Variants in PARD3B observed in about 807,000 individuals in gnomAD.
PARD3B encodes the protein par-3 family cell polarity regulator beta.
Under a neutral mutation model 130.2 loss-of-function variants are expected in PARD3B, and 103 were observed. That is an observed-to-expected ratio of 0.79 (90% CI 0.67 to 0.93). PARD3B has a LOEUF of 0.93. PARD3B is among the 40% of genes least tolerant of loss of function. The probability of loss-of-function intolerance (pLI) is 0.00; values close to 1 mark genes in which losing one functional copy is unlikely to be tolerated. For synonymous variants in PARD3B, 583 were observed against 553.2 expected (o/e 1.05, Z -0.76); for missense variants, 1,609 against 1,499.2 (o/e 1.07, Z -1.21).
intron 1 of PARD3B, among the ~76,000 whole-genome samples, chr2:204,665,110 G>GT (rs529224250): frequency 0.014 from 1,900 of 139,626 alleles, 18 homozygotes; most frequent in African/African-American, 0.025. Flanking sequence ...TCTTGTTTTT[G>GT]TTTTTTTTTT....
chr2:205,347,682 C>G (rs2043844391), intron 18 of PARD3B: 1 of 152,164 alleles, frequency 6.6e-6, no homozygotes, highest in Non-Finnish European at 1.5e-5. Context: ...ATCTGAGAAA[C>G]AAACTGCAAG....
At chr2:204,785,685 G>A (rs986786815) in intron 2 of PARD3B, among the ~76,000 whole-genome samples, 2 of 152,192 alleles carry the variant, frequency 1.3e-5, no homozygotes, top group African/African-American at 4.8e-5. Context: ...TGGGCCCAGT[G>A]CCCGACATGC....
At chr2:204,805,783 C>T (rs948693652) in intron 2 of PARD3B, among the ~76,000 whole-genome samples, 1 of 152,030 alleles carries the variant, frequency 6.6e-6, no homozygotes, top group Non-Finnish European at 1.5e-5. Context: ...CAAAGTGATA[C>T]ATTATACTAG....
intron 2 of PARD3B, among the ~76,000 whole-genome samples, chr2:204,958,535 T>C (rs1309544039): frequency 6.6e-6 from 1 of 152,180 alleles, no homozygotes; most frequent in Non-Finnish European, 1.5e-5. Flanking sequence ...TGGTACTTTT[T>C]GTGTTCCTCT....
rs1169203473 is a variant in PARD3B at position 205,276,190 on chromosome 2, C to G, written c.2186-24340C>G. ...TACAGGAAGACATATTTGAAAGAAA[C>G]AGGGGAAGTAGAAATGTGGATGGGA... On this transcript the variant is annotated intron_variant, in intron 16 of 22. Transcript: ENST00000406610. The surrounding 1 kb of genome is among the most constrained non-coding windows in gnomAD (Gnocchi z 5.0). Among the ~76,000 whole-genome samples, 3 of 152,170 alleles carry G rather than the reference C, an allele frequency of 2.0e-5. No homozygotes were observed. The highest frequency in any genetic ancestry group is 2.9e-5 in the Non-Finnish European group (2 of 68,026).
intron 15 of PARD3B, among the ~76,000 whole-genome samples, chr2:205,208,388 G>A (rs2037435849): frequency 7.4e-6 from 1 of 135,172 alleles, no homozygotes; most frequent in East Asian, 2.0e-4. Flanking sequence ...GCAGGAGAAG[G>A]AAATAAAGGG....
intron 19 of PARD3B, among the ~76,000 whole-genome samples, chr2:205,404,121 C>CT (rs915777313): frequency 7.2e-5 from 11 of 152,148 alleles, no homozygotes; most frequent in East Asian, 1.9e-4. Flanking sequence ...ATTTTATAAT[C>CT]TTTTTTTTAT....
chr2:205,285,910 G>T (rs2041378298), intron 16 of PARD3B, among the ~76,000 whole-genome samples: 1 of 152,152 alleles, frequency 6.6e-6, no homozygotes, highest in Non-Finnish European at 1.5e-5. Flanking sequence ...TGCAGATGTG[G>T]AGGAAAAGAT....
chr2:205,267,965 G>T (rs2040575564), intron 16 of PARD3B, among the ~76,000 whole-genome samples: 1 of 152,048 alleles, frequency 6.6e-6, no homozygotes, highest in Non-Finnish European at 1.5e-5. Flanking sequence ...AATAAAAGAG[G>T]CTGCCACCAT....
At chr2:205,103,389 TAAA>T (rs1158678766) in intron 4 of PARD3B, among the ~76,000 whole-genome samples, 14 of 147,660 alleles carry the variant, frequency 9.5e-5, no homozygotes, top group South Asian at 2.1e-4. Flanking sequence ...AATATTTATA[TAAA>T]TTATATAAAT....
At chr2:204,900,577 G>T (rs1000735651) in intron 2 of PARD3B, among the ~76,000 whole-genome samples, 1 of 152,164 alleles carries the variant, frequency 6.6e-6, no homozygotes, top group African/African-American at 2.4e-5. Flanking sequence ...ATATCTGTCT[G>T]AAAGGTCATA....
intron 13 of PARD3B, among the ~76,000 whole-genome samples, chr2:205,180,969 C>T (rs980153520): frequency 2.2e-4 from 33 of 152,084 alleles, no homozygotes; most frequent in South Asian, 4.1e-4. Context: ...CAGATCTTAC[C>T]CTGGGCCGAG....
intron 3 of PARD3B, among the ~76,000 whole-genome samples, chr2:205,000,301 G>A (rs1694726070): frequency 6.6e-6 from 1 of 152,124 alleles, no homozygotes; most frequent in African/African-American, 2.4e-5. Context: ...ACGGCCTTGT[G>A]TTTTCTACTG....
At chr2:205,358,194 G>A (rs551449964) in intron 18 of PARD3B, among the ~76,000 whole-genome samples, 41 of 152,102 alleles carry the variant, frequency 2.7e-4, no homozygotes, top group Non-Finnish European at 5.0e-4. Flanking sequence ...AACTGTATAC[G>A]TGCTTTCTTG....
At chr2:205,417,691 T>G (rs1014092235) in intron 19 of PARD3B, among the ~76,000 whole-genome samples, 2 of 152,102 alleles carry the variant, frequency 1.3e-5, no homozygotes, top group African/African-American at 4.8e-5. Context: ...CTCATCCTCA[T>G]GGCCCCCAGC....
At chr2:204,558,954 T>C (rs1021005563) in intron 1 of PARD3B, among the ~76,000 whole-genome samples, 1 of 152,190 alleles carries the variant, frequency 6.6e-6, no homozygotes, top group Non-Finnish European at 1.5e-5. Flanking sequence ...GGATTCCCTA[T>C]TTAATAAATG....
intron 21 of PARD3B, among the ~76,000 whole-genome samples, chr2:205,522,334 C>G (rs1252413904): frequency 2.7e-5 from 4 of 149,596 alleles, no homozygotes; most frequent in Non-Finnish European, 4.4e-5. Context: ...TTCCTTTGAT[C>G]AAGAATGATT....
chr2:205,596,575 GT>G (rs1291836244), intron 22 of PARD3B, among the ~76,000 whole-genome samples: 4 of 152,160 alleles, frequency 2.6e-5, no homozygotes, highest in African/African-American at 9.7e-5. Flanking sequence ...TTATCATGGG[GT>G]GCTTAGATTC....
intron 18 of PARD3B, among the ~76,000 whole-genome samples, chr2:205,314,156 G>C (rs1441586503): frequency 6.6e-6 from 1 of 152,114 alleles, no homozygotes; most frequent in African/African-American, 2.4e-5. Flanking sequence ...TGCTTGGGGG[G>C]CAAATGGAAT....
Sources: allele counts gnomAD v4.1 joint callset (sites outside exome capture counted in the v4.1 genomes callset), GRCh38; gene constraint gnomAD v4.1.1; non-coding constraint Gnocchi (gnomAD v3.1); transcripts MANE v1.5; gene names NCBI Gene and HGNC (gene_info 2026-07-23, HGNC 2026-07-21).